The following NUMA1 variants were observed in gnomAD, a reference collection of about 807,000 sequenced individuals.
NUMA1 encodes nuclear mitotic apparatus protein 1, also known as SP-H antigen.
In NUMA1, 62 loss-of-function variants were observed where a neutral mutation model predicts 237.1. That is an observed-to-expected ratio of 0.26 (90% confidence interval 0.21 to 0.32). NUMA1 has a LOEUF of 0.32. Among genes scored for constraint, NUMA1 ranks in the 10% least tolerant of loss-of-function variants. The pLI is 1.00. For missense variants in NUMA1, 2,533 were observed against 2,666.5 expected (o/e 0.95, Z 1.10); for synonymous variants, 1,028 against 1,066.1 (o/e 0.96, Z 0.70).
chr11:72,045,700 G>A (rs968632024), intron 2 of NUMA1, among the ~76,000 whole-genome samples: 32 of 152,094 alleles, frequency 2.1e-4, no homozygotes, highest in Admixed American at 1.4e-3. Flanking sequence ...GGCTGGTCTC[G>A]AACTCCTGGG....
Position 72,014,839 on chromosome 11 carries a change from G to C in NUMA1, c.2664C>G (p.Val888=). 6.2e-7 allele frequency: 1 copy of C among 1,614,174 alleles called. No homozygotes were observed. The change falls in exon 15 of 27, where the codon GTC becomes GTG. Residue 888 remains valine (V), a synonymous_variant. Transcript: ENST00000393695. The surrounding 1 kb of genome is among the most constrained non-coding windows in gnomAD (Gnocchi z 4.6). ...HANLARALQQ[V]QEKEVRAQKL... ...TCTGGGCCCTGACTTCCTTCTCTTG[G>C]ACCTGCTGGAGTGCTCTGGCCAGGT... is the stretch of plus-strand genomic sequence containing the variant.
intron 2 of NUMA1, among the ~76,000 whole-genome samples, chr11:72,069,278 A>T (rs560636046): frequency 1.3e-5 from 2 of 152,332 alleles, no homozygotes; most frequent in East Asian, 3.9e-4. Flanking sequence ...CCCTTTTTAC[A>T]TATGAGAAAA....
At chr11:72,017,524 GGT>G in intron 13 of NUMA1, 161 bp downstream of exon 13, 1 of 786,244 alleles carries the variant, frequency 1.3e-6, no homozygotes, top group South Asian at 1.6e-5. Flanking sequence ...AAAAAAAAAA[GGT>G]GTACTAGACT....
intron 3 of NUMA1, among the ~76,000 whole-genome samples, chr11:72,031,452 C>T (rs902031399): frequency 6.6e-6 from 1 of 152,138 alleles, no homozygotes; most frequent in Non-Finnish European, 1.5e-5. Context: ...TCAATGATTT[C>T]TCTACAGACA....
chr11:72,020,831 C>G (rs113636056), intron 8 of NUMA1: 6,364 of 164,684 alleles, frequency 0.039, 118 homozygotes, highest in East Asian at 0.076. Flanking sequence ...GAGATCGCAC[C>G]ACTACACTCC....
intron 16 of NUMA1, among the ~76,000 whole-genome samples, chr11:72,011,454 G>A (rs1956157113): frequency 6.6e-6 from 1 of 152,216 alleles, no homozygotes; most frequent in South Asian, 2.1e-4. Flanking sequence ...AAGAGGAAGA[G>A]CACAGGGAGT....
chr11:72,010,122 G>A (rs1053813698), intron 17 of NUMA1, among the ~76,000 whole-genome samples: 41 of 152,192 alleles, frequency 2.7e-4, no homozygotes, highest in African/African-American at 9.7e-4. Flanking sequence ...GACATGCTGT[G>A]GCACCATGGT....
At position 72,015,053 on chromosome 11, in the gene NUMA1, T is replaced by C. The variant is rs1296351993; in HGVS notation, c.2450A>G (p.Tyr817Cys). Reference sequence around the variant, plus strand: ...TGCCTCCTCTTGCTGGCTATCCTCATACCGCTCACGCCAGGCAGCTACTTC... The same window carrying C: ...TGCCTCCTCTTGCTGGCTATCCTCACACCGCTCACGCCAGGCAGCTACTTC... ...VKEVAAWRER[Y>C]EDSQQEEAQY... Residue 817 changes from tyrosine to cysteine, a missense_variant, in exon 15 of 27, where the codon TAT (tyrosine) becomes TGT (cysteine). By Grantham distance (194) the Tyr-to-Cys change is radical. Transcript: ENST00000393695. This position sits in a 1 kb window ranked among gnomAD's most constrained non-coding sequence, Gnocchi z 4.0. 1.2e-5 allele frequency: 19 copies of C among 1,614,118 alleles called. No individual in the cohort carries two copies. The South Asian group carries it at 1.4e-4, about 12-fold the overall frequency.
chr11:72,078,015 A>G (rs1244585391), intron 1 of NUMA1, among the ~76,000 whole-genome samples: 1 of 152,192 alleles, frequency 6.6e-6, no homozygotes, highest in Non-Finnish European at 1.5e-5. Flanking sequence ...AATAATCACT[A>G]ACAATACAAA....
In NUMA1 at chr11:72,073,454, C is replaced by T. The variant is rs529247436; in HGVS notation, c.-102-3543G>A. ...ATTAGTAGAAGATGACTCTATGCCC[C>T]ACCTTTGAAGAGCAAAGTTAGAGGA... On this transcript the variant is annotated intron_variant, in intron 1 of 26. Coordinates refer to ENST00000393695, the MANE Select transcript of NUMA1 (RefSeq NM_006185.4). 4.6e-5 allele frequency among the ~76,000 whole-genome samples: 7 copies of T among 152,254 alleles called. No individual in the cohort carries two copies. The South Asian group carries it at 8.3e-4, about 18-fold the overall frequency.
rs1294904877 is a variant in NUMA1, at chr11:72,012,439, C to G, written c.4612G>C (p.Glu1538Gln). The change falls in exon 16 of 27, where the codon GAG becomes CAG. Residue 1538 changes from glutamate to glutamine, a missense_variant. Physicochemically the swap from Glu to Gln is conservative, Grantham distance 29 (BLOSUM62 2). Around this residue, in one of 3 missense-constraint regions of NUMA1, gnomAD observed 324 missense variants for 407.6 expected, o/e 0.79. Transcript: ENST00000393695. ...TCTCTCTGAAATACCTCTAGCTGCT[C>G]CACCTGTACATGGGGGAGGAGCAAC... ...EERQKLTAQV[E>Q]QLEVFQREQT... 8 of 1,612,904 alleles carry G rather than the reference C, an allele frequency of 5.0e-6. No homozygotes were observed. The East Asian group carries it at 1.6e-4, about 31-fold the overall frequency.
intron 2 of NUMA1, among the ~76,000 whole-genome samples, chr11:72,062,293 T>C (rs935700711): frequency 2.0e-5 from 3 of 152,120 alleles, no homozygotes; most frequent in Non-Finnish European, 4.4e-5. Context: ...ATCTTTTTAA[T>C]TTCTCCTCGC....
At chr11:72,077,151 G>C (rs1323992869) in intron 1 of NUMA1, among the ~76,000 whole-genome samples, 1 of 152,124 alleles carries the variant, frequency 6.6e-6, no homozygotes, top group Non-Finnish European at 1.5e-5. Flanking sequence ...GTAGACGACA[G>C]AATGAGGAAG....
chr11:72,067,322 C>T (rs1943244332), intron 2 of NUMA1: 1 of 152,268 alleles, frequency 6.6e-6, no homozygotes, highest in Non-Finnish European at 1.5e-5. Context: ...ATGAATCCCA[C>T]TGTACCAATC....
At position 72,013,103 on chromosome 11, in the gene NUMA1, ACTT is replaced by A. The variant is rs1436332751; in HGVS notation, c.4397_4399del (p.Glu1466del). ...CTTCTCCCGGGCCTGGTCCAACTCC[ACTT>A]CCAGAAACTGCCGGCCAAGGTTGGC... On this transcript the variant is annotated inframe_deletion, in exon 15 of 27. Coordinates refer to ENST00000393695, the MANE Select transcript of NUMA1 (RefSeq NM_006185.4). This position sits in a 1 kb window ranked among gnomAD's most constrained non-coding sequence, Gnocchi z 6.8. 1 of 1,613,862 alleles carries A rather than the reference ACTT, an allele frequency of 6.2e-7. No homozygotes were observed. Among genetic ancestry groups the A allele is most frequent in the Non-Finnish European group, 8.5e-7 (1 of 1,179,982 alleles).
chr11:72,007,954 AGAT>A (rs1955859372), intron 20 of NUMA1: 2 of 376,620 alleles, frequency 5.3e-6, no homozygotes, highest in South Asian at 4.0e-5. Flanking sequence ...TGACAGAGGA[AGAT>A]GAGTGGTGAC....
chr11:72,016,789 T>G (rs1371916354), intron 13 of NUMA1: 1 of 453,260 alleles, frequency 2.2e-6, no homozygotes, highest in Non-Finnish European at 4.0e-6. Flanking sequence ...TACTTCAAAT[T>G]TCCTTACCGT....
intron 16 of NUMA1, chr11:72,012,178 C>A: frequency 1.9e-6 from 1 of 540,100 alleles, no homozygotes; most frequent in Non-Finnish European, 3.3e-6. Context: ...AGAGAAGGTG[C>A]AGAAGGGTGG....
Position 72,014,634 on chromosome 11 carries a change from C to G in NUMA1, c.2869G>C (p.Gly957Arg). The G allele has an allele frequency of 6.2e-7, 1 of 1,610,854 alleles. No individual in the cohort carries two copies. Among genetic ancestry groups the G allele is most frequent in the Non-Finnish European group, 8.5e-7 (1 of 1,180,034 alleles). The change falls in exon 15 of 27, where the codon GGA becomes CGA. Residue 957 changes from glycine (G) to arginine (R), a missense_variant. Gly to Arg is a moderately radical substitution (Grantham distance 125, BLOSUM62 -2). Coordinates refer to ENST00000393695, the MANE Select transcript of NUMA1 (RefSeq NM_006185.4). This position sits in a 1 kb window ranked among gnomAD's most constrained non-coding sequence, Gnocchi z 4.6. ...RQPEWLEEQQ[G>R]RQFCSTQAAL... The stretch of plus-strand genomic sequence containing the variant: ...GCCTGTGTGCTGCAGAACTGGCGTC[C>G]CTGTTGCTCTTCCAGCCACTCGGGC...
Sources: gnomAD v4.1 joint callset for allele counts (sites outside exome capture counted in the v4.1 genomes callset) on GRCh38, gnomAD v4.1.1 for gene constraint, gnomAD v4.1.1 regional missense constraint, Gnocchi (gnomAD v3.1) non-coding constraint, MANE v1.5 for transcripts, NCBI Gene and HGNC (gene_info 2026-07-23, HGNC 2026-07-21) for gene names.